Variants in HPSE2 observed in about 807,000 individuals in gnomAD.
The protein encoded by HPSE2 is inactive heparanase-2.
In HPSE2, 38 loss-of-function variants were observed where a neutral mutation model predicts 60.5. The ratio of observed to expected loss-of-function variants is 0.63; its 90% CI spans 0.48 to 0.82. The LOEUF is 0.82. Among genes scored for constraint, HPSE2 ranks in the 40% least tolerant of loss-of-function variants. HPSE2 has a pLI of 0.00. For synonymous variants in HPSE2, 295 were observed against 293.2 expected, an observed-to-expected ratio of 1.01 and a Z score of -0.06; for missense variants, 713 against 740.4, an observed-to-expected ratio of 0.96 and a Z score of 0.43.
chr10:99,206,842 G>A (rs979886056), intron 2 of HPSE2, among the ~76,000 whole-genome samples: 2 of 151,848 alleles, frequency 1.3e-5, no homozygotes, highest in African/African-American at 4.8e-5. Context: ...ATCAAAGACT[G>A]GTTATTTTGA....
chr10:99,039,245 G>T (rs1335650691), intron 3 of HPSE2, among the ~76,000 whole-genome samples: 1 of 152,114 alleles, frequency 6.6e-6, no homozygotes, highest in Non-Finnish European at 1.5e-5. Flanking sequence ...CCCAGCCAGT[G>T]CTCTGCCCAA....
chr10:98,965,354 G>C (rs966765049), intron 3 of HPSE2, among the ~76,000 whole-genome samples: 4 of 151,924 alleles, frequency 2.6e-5, no homozygotes, highest in Admixed American at 1.3e-4. Context: ...GTTGGTAATT[G>C]TGTGATCTTA....
intron 6 of HPSE2, among the ~76,000 whole-genome samples, chr10:98,660,424 A>G (rs1266540488): frequency 6.6e-6 from 1 of 152,218 alleles, no homozygotes; most frequent in African/African-American, 2.4e-5. Context: ...GTCCAAGGTC[A>G]TACAACTTAT....
intron 3 of HPSE2, among the ~76,000 whole-genome samples, chr10:98,972,674 T>C (rs1955985965): frequency 6.6e-6 from 1 of 152,186 alleles, no homozygotes; most frequent in Non-Finnish European, 1.5e-5. Flanking sequence ...ACAACTTTGC[T>C]ACTGTCTTTC....
chr10:98,919,658 T>G (rs549027503), intron 3 of HPSE2, among the ~76,000 whole-genome samples: 1 of 152,310 alleles, frequency 6.6e-6, no homozygotes, highest in South Asian at 2.1e-4. Context: ...GTGAAAAGTA[T>G]GTACAAGTGT....
At position 98,940,290 on chromosome 10, in the gene HPSE2, A is replaced by G. The variant is rs544961179; in HGVS notation, c.611-196234T>C. 1.4e-4 allele frequency among the ~76,000 whole-genome samples: 20 copies of G among 144,176 alleles called. 4 individuals are homozygous for G. The highest frequency in any genetic ancestry group is 5.3e-4 in the African/African-American group (19 of 35,588). The allele number at this position is 144,176 out of a possible 152,430, so 94.6% of individuals were successfully genotyped here. A position where few individuals can be genotyped will look rare whatever the true frequency, so the allele number is the denominator to read the frequency against. On this transcript the variant is annotated intron_variant, in intron 3 of 11. Transcript: ENST00000370552. ...AACCCTTCAAAAAATTAATGAATCC[A>G]GGAGCTGGTTTTTTGAAAGGATCAA...
At position 99,194,607 on chromosome 10, in the gene HPSE2, T is replaced by C. The variant is rs117817674; in HGVS notation, c.448+37741A>G. 2.0e-5 allele frequency among the ~76,000 whole-genome samples: 3 copies of C among 150,078 alleles called. No homozygotes were observed. The East Asian group carries it at 5.8e-4, about 29-fold the overall frequency. On this transcript the variant is annotated intron_variant, in intron 2 of 11. Coordinates refer to ENST00000370552, the MANE Select transcript of HPSE2 (RefSeq NM_021828.5). ...ATATTGCAGAAATTCAAAAGATAAT[T>C]AGAGGCTACCTGAGAAACTACATGC...
upstream of HPSE2, among the ~76,000 whole-genome samples, chr10:99,239,272 A>C (rs1849909136): frequency 6.6e-6 from 1 of 152,178 alleles, no homozygotes; most frequent in African/African-American, 2.4e-5. Context: ...AATGGTCTTC[A>C]TAGATAAATT....
chr10:98,817,772 A>G (rs1212394075), intron 3 of HPSE2, among the ~76,000 whole-genome samples: 2 of 152,240 alleles, frequency 1.3e-5, no homozygotes, highest in Non-Finnish European at 2.9e-5. Flanking sequence ...AGGTCACTCT[A>G]CTAAATGTTT....
At chr10:99,066,587 G>C (rs1475908200) in intron 3 of HPSE2, among the ~76,000 whole-genome samples, 1 of 152,028 alleles carries the variant, frequency 6.6e-6, no homozygotes, top group African/African-American at 2.4e-5. Flanking sequence ...CTTGTTCAGG[G>C]GAACTCCCAT....
intron 9 of HPSE2, among the ~76,000 whole-genome samples, chr10:98,583,692 T>G (rs1241702582): frequency 6.6e-6 from 1 of 152,236 alleles, no homozygotes; most frequent in Non-Finnish European, 1.5e-5. Context: ...TGTATATTAT[T>G]TCTAAATAAA....
intron 3 of HPSE2, among the ~76,000 whole-genome samples, chr10:99,054,447 C>A (rs920095081): frequency 2.6e-5 from 4 of 152,118 alleles, no homozygotes; most frequent in African/African-American, 9.7e-5. Flanking sequence ...CCTAAATCCA[C>A]ACTAACAAGG....
Position 99,210,581 on chromosome 10 carries a change from T to C in HPSE2, c.448+21767A>G, listed in dbSNP as rs552564469. On this transcript the variant is annotated intron_variant, in intron 2 of 11. Transcript: ENST00000370552. The stretch of plus-strand genomic sequence containing the variant: ...AAGAGAATCATTCACCATGAACAAG[T>C]AGAATTTATCTCAGGGATACATGGA... Among the ~76,000 whole-genome samples, 9 of 152,266 alleles carry C rather than the reference T, an allele frequency of 5.9e-5. No homozygotes were observed. The South Asian group carries it at 8.3e-4, about 14-fold the overall frequency.
At chr10:98,575,244 T>C (rs1181882313) in intron 9 of HPSE2, among the ~76,000 whole-genome samples, 3 of 152,196 alleles carry the variant, frequency 2.0e-5, no homozygotes, top group Non-Finnish European at 4.4e-5. Context: ...TTGTGATGAC[T>C]TTAGAAAGAA....
intron 3 of HPSE2, among the ~76,000 whole-genome samples, chr10:98,948,497 G>C (rs540593866): frequency 7.1e-4 from 108 of 152,216 alleles, no homozygotes; most frequent in African/African-American, 2.6e-3. Flanking sequence ...CTGGCAGAAG[G>C]GTTCTGATTA....
chr10:98,591,012 G>A (rs1945074188), intron 9 of HPSE2, among the ~76,000 whole-genome samples: 2 of 152,058 alleles, frequency 1.3e-5, no homozygotes, highest in Admixed American at 1.3e-4. Context: ...AGTCAACAAG[G>A]GATGTAAATT....
rs369268804 is a variant in HPSE2, at chr10:98,537,398, T to G, written c.1321-47202A>C. On this transcript the variant is annotated intron_variant, in intron 9 of 11. Transcript: ENST00000370552. The stretch of plus-strand genomic sequence containing the variant: ...CAAGAGACTGAAGGCACAAACTGTT[T>G]CAGTATAATAAAGAAAATAGTTAGA... Among the ~76,000 whole-genome samples, 82 of 152,296 alleles carry G rather than the reference T, an allele frequency of 5.4e-4. No individual in the cohort carries two copies. The South Asian group carries it at 0.017, about 31-fold the overall frequency.
intron 11 of HPSE2, among the ~76,000 whole-genome samples, chr10:98,476,791 A>T (rs920090329): frequency 7.9e-5 from 12 of 152,124 alleles, no homozygotes; most frequent in African/African-American, 2.9e-4. Flanking sequence ...GTCTGTCTAA[A>T]AAAAAAGGGG....
intron 3 of HPSE2, among the ~76,000 whole-genome samples, chr10:98,832,271 C>T (rs1482436835): frequency 1.3e-5 from 2 of 152,138 alleles, no homozygotes; most frequent in Non-Finnish European, 2.9e-5. Flanking sequence ...AGTTTGGTCT[C>T]CAAATGTCAC....
Sources: allele counts gnomAD v4.1 joint callset (sites outside exome capture counted in the v4.1 genomes callset), GRCh38; gene constraint gnomAD v4.1.1; transcripts MANE v1.5; gene names NCBI Gene and HGNC (gene_info 2026-07-23, HGNC 2026-07-21).